The following ADAMTSL3 variants were observed in gnomAD, a reference collection of about 807,000 sequenced individuals.
ADAMTSL3 encodes ADAMTS-like protein 3.
In ADAMTSL3, 128 loss-of-function variants were observed where a neutral mutation model predicts 201.7. That is an observed-to-expected ratio of 0.63 (90% CI 0.55 to 0.73). The LOEUF is 0.73. Ranked by LOEUF, ADAMTSL3 falls within the 30% of genes least tolerant of loss-of-function variation. ADAMTSL3 has a pLI of 0.00. For synonymous variants in ADAMTSL3, 738 were observed against 748.4 expected, an observed-to-expected ratio of 0.99 and a Z score of 0.23; for missense variants, 1,990 against 2,119.6, an observed-to-expected ratio of 0.94 and a Z score of 1.20.
intron 15 of ADAMTSL3, among the ~76,000 whole-genome samples, chr15:83,907,115 A>G (rs978755682): frequency 5.8e-5 from 8 of 137,904 alleles, no homozygotes; most frequent in East Asian, 4.3e-4. Flanking sequence ...AAAAAAAAAA[A>G]AGAGAGAGTC....
chr15:83,856,795 T>G (rs2141766816), intron 7 of ADAMTSL3, among the ~76,000 whole-genome samples: 1 of 152,340 alleles, frequency 6.6e-6, no homozygotes, highest in South Asian at 2.1e-4. Flanking sequence ...TCTGTTTGTG[T>G]CCCTGCTTTC....
chr15:83,829,603 T>C (rs1327750635), intron 6 of ADAMTSL3, among the ~76,000 whole-genome samples: 1 of 152,238 alleles, frequency 6.6e-6, no homozygotes, highest in Non-Finnish European at 1.5e-5. Flanking sequence ...TCTCTAGTTC[T>C]TTTAATTGTG....
chr15:83,728,175 A>T (rs2062208896), intron 3 of ADAMTSL3, among the ~76,000 whole-genome samples: 1 of 150,106 alleles, frequency 6.7e-6, no homozygotes, highest in Non-Finnish European at 1.5e-5. Context: ...ACGTACAGCT[A>T]CCCCTGCTCT....
At chr15:83,733,194 G>A (rs574532640) in intron 3 of ADAMTSL3, among the ~76,000 whole-genome samples, 2 of 152,258 alleles carry the variant, frequency 1.3e-5, no homozygotes, top group African/African-American at 4.8e-5. Flanking sequence ...ATTCAATCAA[G>A]ACAAGTTGAA....
At chr15:83,798,020 G>T (rs868739795) in intron 4 of ADAMTSL3, among the ~76,000 whole-genome samples, 1 of 152,118 alleles carries the variant, frequency 6.6e-6, no homozygotes, top group Non-Finnish European at 1.5e-5. Context: ...TTATAAATGG[G>T]ATTCCTACAG....
intron 6 of ADAMTSL3, among the ~76,000 whole-genome samples, chr15:83,823,200 GT>G (rs1190419573): frequency 2.3e-5 from 3 of 130,070 alleles, no homozygotes; most frequent in Non-Finnish European, 4.8e-5. Context: ...GAGGGAGAGG[GT>G]GAGGGAGAGG....
chr15:83,687,399 C>T (rs570547374), intron 2 of ADAMTSL3, among the ~76,000 whole-genome samples: 1 of 152,080 alleles, frequency 6.6e-6, no homozygotes, highest in Non-Finnish European at 1.5e-5. Context: ...ATTTTCAGCC[C>T]ATCTCAATTC....
chr15:83,897,318 G>A (rs1037667186), intron 13 of ADAMTSL3, among the ~76,000 whole-genome samples: 3 of 152,008 alleles, frequency 2.0e-5, no homozygotes, highest in Non-Finnish European at 4.4e-5. Context: ...TAGATGTATG[G>A]GGATACATCT....
chr15:83,892,786 G>C lies in ADAMTSL3; in HGVS notation c.1365G>C (p.Leu455Phe). 2 of 1,614,148 alleles carry C rather than the reference G, an allele frequency of 1.2e-6. No individual in the cohort carries two copies. The highest frequency in any genetic ancestry group is 1.7e-6 in the Non-Finnish European group (2 of 1,180,012). ...AGGAATCCATGCATGGAGAGATATT[G>C]CAGGTGGAAGAATGGAAGTGCATGT... ...CVEESMHGEILQVEEWKCMYA... is the reference protein window; with the variant it reads ...CVEESMHGEIFQVEEWKCMYA... The change falls in exon 13 of 30, where the codon TTG becomes TTC. Residue 455 changes from leucine (L) to phenylalanine (F), a missense_variant. Transcript: ENST00000286744.
intron 9 of ADAMTSL3, 132 bp downstream of exon 9, chr15:83,871,091 C>A: frequency 1.9e-6 from 2 of 1,036,478 alleles, no homozygotes; most frequent in Admixed American, 3.2e-5. Flanking sequence ...TCAATATTTC[C>A]ATCTTGGCAG....
chr15:83,911,637 A>G (rs1253790302), intron 15 of ADAMTSL3, among the ~76,000 whole-genome samples: 1 of 152,218 alleles, frequency 6.6e-6, no homozygotes, highest in Non-Finnish European at 1.5e-5. Context: ...CACAATGAAC[A>G]ACATGTTTTG....
At chr15:83,879,793 A>T (rs2065238747) in intron 9 of ADAMTSL3, among the ~76,000 whole-genome samples, 1 of 152,112 alleles carries the variant, frequency 6.6e-6, no homozygotes, top group African/African-American at 2.4e-5. Flanking sequence ...TTGTCTGCTT[A>T]TTCTATCATG....
At chr15:83,840,501 T>C (rs1273341742) in intron 7 of ADAMTSL3, among the ~76,000 whole-genome samples, 1 of 152,092 alleles carries the variant, frequency 6.6e-6, no homozygotes, top group East Asian at 1.9e-4. Context: ...TGGATAGCTC[T>C]ACAGGGTTGG....
In ADAMTSL3 at chr15:83,694,946, G is replaced by A. The variant is rs533155088; in HGVS notation, c.70-9443G>A. On this transcript the variant is annotated intron_variant, in intron 2 of 29. Transcript: ENST00000286744. ...CTTTTGGGGAACTGAAAGGTGAAAT[G>A]TGTTCTAGCAAGATCTTTTCACTGA... is the stretch of plus-strand genomic sequence containing the variant. Among the ~76,000 whole-genome samples the A allele has an allele frequency of 6.6e-5, 10 of 152,308 alleles. 1 individual carries two copies. In the South Asian group the frequency reaches 8.3e-4, roughly 13 times the overall value.
intron 19 of ADAMTSL3, among the ~76,000 whole-genome samples, chr15:83,965,941 A>C (rs1281594294): frequency 6.6e-6 from 1 of 152,214 alleles, no homozygotes; most frequent in Non-Finnish European, 1.5e-5. Context: ...CTACTGGGTG[A>C]ATAACAAAAT....
chr15:84,006,426 C>G (rs1052871110), intron 23 of ADAMTSL3, among the ~76,000 whole-genome samples: 20 of 152,160 alleles, frequency 1.3e-4, no homozygotes, highest in Non-Finnish European at 1.5e-5. Context: ...GCAGTCTGAA[C>G]AGGCCAGGGA....
At position 84,036,869 on chromosome 15, in the gene ADAMTSL3, C is replaced by T. The variant is rs901683124; in HGVS notation, c.4851C>T (p.Phe1617=). The T allele has an allele frequency of 6.2e-7, 1 of 1,614,100 alleles. No homozygotes were observed. Among genetic ancestry groups the T allele is most frequent in the Non-Finnish European group, 8.5e-7 (1 of 1,180,016 alleles). ...KPCTAACGRG[F]QSRKVDCIHT... Reference sequence around the variant, plus strand: ...GTACAGCAGCCTGTGGCAGGGGTTTCCAGTCTCGGAAAGTCGACTGTATCC... The same window carrying T: ...GTACAGCAGCCTGTGGCAGGGGTTTTCAGTCTCGGAAAGTCGACTGTATCC... The change falls in exon 29 of 30, where the codon TTC becomes TTT. Residue 1617 remains phenylalanine, a synonymous_variant. Coordinates refer to ENST00000286744, the MANE Select transcript of ADAMTSL3 (RefSeq NM_207517.3).
At chr15:84,036,719 C>T (rs2068512714) in intron 28 of ADAMTSL3, 54 bp from the exon 29 acceptor site, 2 of 1,451,006 alleles carry the variant, frequency 1.4e-6, no homozygotes, top group Admixed American at 4.3e-5. Flanking sequence ...CAAAAAGTTA[C>T]ACCCTGCCTC....
chr15:84,034,752 C>T (rs1450683353), intron 28 of ADAMTSL3, among the ~76,000 whole-genome samples: 6 of 152,098 alleles, frequency 3.9e-5, no homozygotes, highest in South Asian at 2.1e-4. Flanking sequence ...GATCTACTGC[C>T]GTCAGAATCA....
Sources: gnomAD v4.1 joint callset for allele counts (sites outside exome capture counted in the v4.1 genomes callset) on GRCh38, gnomAD v4.1.1 for gene constraint, MANE v1.5 for transcripts, NCBI Gene and HGNC (gene_info 2026-07-23, HGNC 2026-07-21) for gene names.